Variants in ATP1A1 observed in about 807,000 individuals in gnomAD.
ATP1A1 encodes ATPase Na+/K+ transporting subunit alpha 1.
Under a neutral mutation model 114.8 loss-of-function variants are expected in ATP1A1, and 14 were observed. The ratio of observed to expected loss-of-function variants is 0.12; its 90% confidence interval spans 0.08 to 0.19. ATP1A1 has a LOEUF of 0.19. ATP1A1 is among the 10% of genes least tolerant of loss of function. The probability of loss-of-function intolerance (pLI) is 1.00; values close to 1 mark genes in which losing one functional copy is unlikely to be tolerated. For missense variants in ATP1A1, 524 were observed against 1,290.7 expected, an observed-to-expected ratio of 0.41 and a Z score of 9.10; for synonymous variants, 471 against 466.3, an observed-to-expected ratio of 1.01 and a Z score of -0.13.
intron 9 of ATP1A1, 130 bp downstream of exon 9, chr1:116,390,541 T>G (rs993591058): frequency 1.9e-6 from 2 of 1,049,390 alleles, no homozygotes; most frequent in Non-Finnish European, 2.7e-6. Context: ...TTTTTGTTTT[T>G]TTTTTTTTTA....
Position 116,393,500 on chromosome 1 carries a change from C to T in ATP1A1, c.1468-31C>T. 6.3e-7 allele frequency: 1 copy of T among 1,587,436 alleles called. No homozygotes were observed. The highest frequency in any genetic ancestry group is 8.6e-7 in the Non-Finnish European group (1 of 1,162,594). On this transcript the variant is annotated intron_variant, in intron 11 of 22. Coordinates refer to ENST00000295598, the MANE Select transcript of ATP1A1 (RefSeq NM_000701.8). The surrounding 1 kb of genome is among the most constrained non-coding windows in gnomAD (Gnocchi z 5.0). ...CATGGACTGCCACACATCCAACCAT[C>T]CAATGTTTATGTCTCAACAATCCTT... is the stretch of plus-strand genomic sequence containing the variant.
chr1:116,393,784 G>A lies in ATP1A1; in HGVS notation c.1660+61G>A, dbSNP rs1386041474. On this transcript the variant is annotated intron_variant, in intron 12 of 22. Coordinates refer to ENST00000295598, the MANE Select transcript of ATP1A1 (RefSeq NM_000701.8). The surrounding 1 kb of genome is among the most constrained non-coding windows in gnomAD (Gnocchi z 5.0). ...CGTTTTTATCCAGTAACCTAGTCTG[G>A]TAGACAGTTAACAAGTGATCCTATG... The A allele has an allele frequency of 1.1e-5, 16 of 1,505,618 alleles. No homozygotes were observed. Among genetic ancestry groups the A allele is most frequent in the Non-Finnish European group, 1.2e-5 (13 of 1,111,910 alleles). 93.3% of individuals were successfully genotyped at this position (1,505,618 alleles called of 1,614,324 possible).
Position 116,399,177 on chromosome 1 carries a change from C to A in ATP1A1, c.2448+93C>A. On this transcript the variant is annotated intron_variant, in intron 17 of 22. Coordinates refer to ENST00000295598, the MANE Select transcript of ATP1A1 (RefSeq NM_000701.8). This position sits in a 1 kb window ranked among gnomAD's most constrained non-coding sequence, Gnocchi z 5.0. Reference sequence around the variant, plus strand: ...ATGCTCCCAGCATCCATGAGGCTGGCGTTGGGAAAAGAAATTCTCAGGACC... The same window carrying A: ...ATGCTCCCAGCATCCATGAGGCTGGAGTTGGGAAAAGAAATTCTCAGGACC... 6.4e-7 allele frequency: 1 copy of A among 1,559,456 alleles called. No homozygotes were observed. Among genetic ancestry groups the A allele is most frequent in the Non-Finnish European group, 8.8e-7 (1 of 1,141,048 alleles).
At position 116,393,839 on chromosome 1, in the gene ATP1A1, C is replaced by A; in HGVS notation, c.1660+116C>A. On this transcript the variant is annotated intron_variant, in intron 12 of 22. Coordinates refer to ENST00000295598, the MANE Select transcript of ATP1A1 (RefSeq NM_000701.8). This position sits in a 1 kb window ranked among gnomAD's most constrained non-coding sequence, Gnocchi z 5.0. ...TCTATGTCTTGTTGACCTTCCTCTA[C>A]ATCTTTTAGGGGCAATCCTCCTATT... 9.8e-7 allele frequency: 1 copy of A among 1,025,100 alleles called. No homozygotes were observed. Among genetic ancestry groups the A allele is most frequent in the Non-Finnish European group, 1.4e-6 (1 of 721,186 alleles). The allele number at this position is 1,025,100 out of a possible 1,614,324, so 63.5% of individuals were successfully genotyped here. A position where few individuals can be genotyped will look rare whatever the true frequency, so the allele number is the denominator to read the frequency against.
In ATP1A1 at chr1:116,381,090, C is replaced by G. The variant is rs542078384; in HGVS notation, c.13-2924C>G. ...GAGTGAGGATTAATCACTCCCAGTC[C>G]TCTGGGAGGGGGGAAGTGACCTGAA... On this transcript the variant is annotated intron_variant, in intron 1 of 22. Coordinates refer to ENST00000295598, the MANE Select transcript of ATP1A1 (RefSeq NM_000701.8). This position sits in a 1 kb window ranked among gnomAD's most constrained non-coding sequence, Gnocchi z 5.1. 3.9e-5 allele frequency among the ~76,000 whole-genome samples: 6 copies of G among 152,258 alleles called. No individual in the cohort carries two copies. In the South Asian group the frequency reaches 1.2e-3, roughly 32 times the overall value.
chr1:116,382,739 G>A (rs545315656), intron 1 of ATP1A1: 1 of 152,136 alleles, frequency 6.6e-6, no homozygotes, highest in Admixed American at 6.5e-5. Flanking sequence ...CACATAATAC[G>A]TTTTGATTTT....
Position 116,397,661 on chromosome 1 carries a change from A to G in ATP1A1, c.1974-227A>G, listed in dbSNP as rs368914117. On this transcript the variant is annotated intron_variant, in intron 14 of 22. Coordinates refer to ENST00000295598, the MANE Select transcript of ATP1A1 (RefSeq NM_000701.8). The surrounding 1 kb of genome is among the most constrained non-coding windows in gnomAD (Gnocchi z 4.2). Reference sequence around the variant, plus strand: ...AAAGATAGGGAAAGGAAGAATACAGACAGGCCTGCCTTAGAGATCATCATG... The same window carrying G: ...AAAGATAGGGAAAGGAAGAATACAGGCAGGCCTGCCTTAGAGATCATCATG... 2.0e-5 allele frequency among the ~76,000 whole-genome samples: 3 copies of G among 152,344 alleles called. No individual in the cohort carries two copies. Among genetic ancestry groups the G allele is most frequent in the East Asian group, 3.9e-4 (2 of 5,188 alleles).
chr1:116,373,753 C>G, intron 1 of ATP1A1: 1 of 855,722 alleles, frequency 1.2e-6, no homozygotes, highest in Non-Finnish European at 1.4e-6. Flanking sequence ...CGCGGCATTG[C>G]TTAGGGGGGT....
Position 116,404,315 on chromosome 1 carries a change from C to T in ATP1A1, c.3044-101C>T. On this transcript the variant is annotated intron_variant, in intron 22 of 22. Coordinates refer to ENST00000295598, the MANE Select transcript of ATP1A1 (RefSeq NM_000701.8). This position sits in a 1 kb window ranked among gnomAD's most constrained non-coding sequence, Gnocchi z 4.8. ...GTTTGGATTTTAACACACCCGACCC[C>T]CATCATCCTCCGGTTGGTTTTCATC... 1 of 1,444,354 alleles carries T rather than the reference C, an allele frequency of 6.9e-7. No homozygotes were observed. The highest frequency in any genetic ancestry group is 1.8e-5 in the Admixed American group (1 of 56,994). 89.5% of individuals were successfully genotyped at this position (1,444,354 alleles called of 1,614,324 possible).
Position 116,399,109 on chromosome 1 carries a change from C to G in ATP1A1, c.2448+25C>G, listed in dbSNP as rs116412562. 11,269 of 1,613,822 alleles carry G rather than the reference C, an allele frequency of 7.0e-3. 644 individuals are homozygous for G. In the African/African-American group the frequency reaches 0.13, roughly 19 times the overall value. ...GGTGAGTGTCACAACAGTCACAGAT[C>G]GATAGTAGTGAGGTGTGAGCTGTGT... On this transcript the variant is annotated intron_variant, in intron 17 of 22. Transcript: ENST00000295598. The surrounding 1 kb of genome is among the most constrained non-coding windows in gnomAD (Gnocchi z 5.0).
chr1:116,399,364 C>A lies in ATP1A1; in HGVS notation c.2449-56C>A. ...CAAGAATTTTATAACAAAAGGTTCA[C>A]AATATTAGCTTCCTTATTTTTAGTA... is the stretch of plus-strand genomic sequence containing the variant. On this transcript the variant is annotated intron_variant, in intron 17 of 22. Transcript: ENST00000295598. The surrounding 1 kb of genome is among the most constrained non-coding windows in gnomAD (Gnocchi z 5.0). 5.7e-6 allele frequency: 9 copies of A among 1,581,244 alleles called. No individual in the cohort carries two copies. Among genetic ancestry groups the A allele is most frequent in the Non-Finnish European group, 7.7e-6 (9 of 1,164,860 alleles).
chr1:116,398,848 A>G lies in ATP1A1; in HGVS notation c.2293+59A>G, dbSNP rs1570974993. The stretch of plus-strand genomic sequence containing the variant: ...ATTCAGATACTGCCCATTAGCATCC[A>G]TTTCTGTATACTTCTTGGATATGTT... On this transcript the variant is annotated intron_variant, in intron 16 of 22. Transcript: ENST00000295598. The surrounding 1 kb of genome is among the most constrained non-coding windows in gnomAD (Gnocchi z 6.1). 2.5e-6 allele frequency: 4 copies of G among 1,609,368 alleles called. No individual in the cohort carries two copies. In the East Asian group the frequency reaches 8.9e-5, roughly 36 times the overall value.
intron 1 of ATP1A1, among the ~76,000 whole-genome samples, chr1:116,374,618 G>A (rs1651234085): frequency 6.6e-6 from 1 of 152,212 alleles, no homozygotes; most frequent in South Asian, 2.1e-4. Context: ...TACCCGTGCA[G>A]GAGACTGGGC....
rs757163314 is a variant in ATP1A1 at position 116,393,818 on chromosome 1, T to C, written c.1660+95T>C. 8.0e-6 allele frequency: 10 copies of C among 1,257,544 alleles called. No individual in the cohort carries two copies. The highest frequency in any genetic ancestry group is 1.1e-5 in the Non-Finnish European group (10 of 923,460). 77.9% of individuals were successfully genotyped at this position (1,257,544 alleles called of 1,614,324 possible). On this transcript the variant is annotated intron_variant, in intron 12 of 22. Transcript: ENST00000295598. The surrounding 1 kb of genome is among the most constrained non-coding windows in gnomAD (Gnocchi z 5.0). ...TAACAAGTGATCCTATGAACCTCTATGTCTTGTTGACCTTCCTCTACATCT... is the reference window on the plus strand; with the variant it reads ...TAACAAGTGATCCTATGAACCTCTACGTCTTGTTGACCTTCCTCTACATCT...
Position 116,389,828 on chromosome 1 carries a change from T to G in ATP1A1, c.1023+121T>G. The stretch of plus-strand genomic sequence containing the variant: ...TTATTCTGGATGTTTGATATAGTTC[T>G]TCTTGAGAGCCACATCACGTGGTGA... On this transcript the variant is annotated intron_variant, in intron 8 of 22. Coordinates refer to ENST00000295598, the MANE Select transcript of ATP1A1 (RefSeq NM_000701.8). This position sits in a 1 kb window ranked among gnomAD's most constrained non-coding sequence, Gnocchi z 6.9. The G allele has an allele frequency of 5.8e-6, 8 of 1,379,346 alleles. No homozygotes were observed. The highest frequency in any genetic ancestry group is 7.8e-6 in the Non-Finnish European group (8 of 1,027,438). 85.4% of individuals were successfully genotyped at this position (1,379,346 alleles called of 1,614,324 possible). A position where few individuals can be genotyped will look rare whatever the true frequency, so the allele number is the denominator to read the frequency against.
At chr1:116,383,889 ATTATC>A (rs1386974816) in intron 1 of ATP1A1, 120 bp from the exon 2 acceptor site, 1 of 755,632 alleles carries the variant, frequency 1.3e-6, no homozygotes, top group East Asian at 2.5e-5. Flanking sequence ...TTTCCTGACT[ATTATC>A]TTAATGACTA....
Position 116,404,675 on chromosome 1 carries a change from T to C in ATP1A1, c.*231T>C. The C allele has an allele frequency of 7.7e-7, 1 of 1,291,614 alleles. No individual in the cohort carries two copies. The highest frequency in any genetic ancestry group is 2.7e-5 in the South Asian group (1 of 36,500). The allele number at this position is 1,291,614 out of a possible 1,614,324, so 80.0% of individuals were successfully genotyped here. A position where few individuals can be genotyped will look rare whatever the true frequency, so the allele number is the denominator to read the frequency against. ...GAAATGACAGCGGGGAAGGTTTTTA[T>C]GTGCCTTTTTGTTTTTGTAAAAAAG... On this transcript the variant is annotated 3_prime_UTR_variant, in exon 23 of 23. Coordinates refer to ENST00000295598, the MANE Select transcript of ATP1A1 (RefSeq NM_000701.8). This position sits in a 1 kb window ranked among gnomAD's most constrained non-coding sequence, Gnocchi z 4.8.
chr1:116,388,318 A>C lies in ATP1A1; in HGVS notation c.501+74A>C, dbSNP rs113470941. 14 of 1,300,652 alleles carry C rather than the reference A, an allele frequency of 1.1e-5. No individual in the cohort carries two copies. The highest frequency in any genetic ancestry group is 1.9e-4 in the Middle Eastern group (1 of 5,394). The allele number at this position is 1,300,652 out of a possible 1,614,324, so 80.6% of individuals were successfully genotyped here. ...CATGTCAGCCTGTGAATTAGTGTGA[A>C]GTTAAGGTTTTCCAAGTATTACATG... On this transcript the variant is annotated intron_variant, in intron 5 of 22. Transcript: ENST00000295598. This position sits in a 1 kb window ranked among gnomAD's most constrained non-coding sequence, Gnocchi z 5.6.
chr1:116,377,500 T>G (rs1181075295), intron 1 of ATP1A1, among the ~76,000 whole-genome samples: 1 of 152,260 alleles, frequency 6.6e-6, no homozygotes, highest in African/African-American at 2.4e-5. Flanking sequence ...AGGTGTCAAT[T>G]GACATTATTG....
Sources: gnomAD v4.1 joint callset for allele counts (sites outside exome capture counted in the v4.1 genomes callset) on GRCh38, gnomAD v4.1.1 for gene constraint, Gnocchi (gnomAD v3.1) non-coding constraint, MANE v1.5 for transcripts, NCBI Gene and HGNC (gene_info 2026-07-23, HGNC 2026-07-21) for gene names.